Variants in CRYZL1 observed in about 807,000 individuals in gnomAD.
CRYZL1 encodes the protein crystallin zeta like 1, also known as ferry endosomal RAB5 effector complex subunit 4.
A neutral mutation model predicts 50.6 loss-of-function variants in CRYZL1; 34 were observed. The ratio of observed to expected loss-of-function variants is 0.67; its 90% confidence interval spans 0.51 to 0.89. CRYZL1 has a LOEUF of 0.89. Ranked by LOEUF, CRYZL1 falls within the 40% of genes least tolerant of loss-of-function variation. The pLI is 0.00. For synonymous variants in CRYZL1, 125 were observed against 134.3 expected (o/e 0.93, Z 0.48); for missense variants, 354 against 402.3 (o/e 0.88, Z 1.03).
chr21:33,605,743 C>T (rs148861556), intron 6 of CRYZL1, among the ~76,000 whole-genome samples: 3,680 of 151,598 alleles, frequency 0.024, 165 homozygotes, highest in African/African-American at 0.083. Context: ...AGGCTGGTCT[C>T]GAACTCCTGA....
At chr21:33,614,171 CAAAAA>C (rs1174565593) in intron 5 of CRYZL1, among the ~76,000 whole-genome samples, 3 of 98,202 alleles carry the variant, frequency 3.1e-5, no homozygotes, top group Non-Finnish European at 6.2e-5. Flanking sequence ...GACTCTGTGT[CAAAAA>C]AAAAAAAAAA....
chr21:33,591,529 T>C (rs931421872), intron 11 of CRYZL1: 4 of 376,354 alleles, frequency 1.1e-5, no homozygotes, highest in Non-Finnish European at 1.4e-5. Flanking sequence ...TTTTCATTTC[T>C]ACACTACATA....
chr21:33,629,069 A>G (rs2087105953), intron 2 of CRYZL1, among the ~76,000 whole-genome samples: 1 of 148,208 alleles, frequency 6.7e-6, no homozygotes, highest in Non-Finnish European at 1.5e-5. Context: ...CCTCTACCAA[A>G]AAAAAAAAAA....
chr21:33,625,149 C>A (rs972219561), intron 2 of CRYZL1, among the ~76,000 whole-genome samples: 1 of 151,886 alleles, frequency 6.6e-6, no homozygotes, highest in Admixed American at 6.6e-5. Flanking sequence ...TAACGTATAA[C>A]CTTTACTGAT....
intron 11 of CRYZL1, chr21:33,595,421 G>A (rs1397675791): frequency 2.2e-6 from 3 of 1,347,376 alleles, no homozygotes; most frequent in Admixed American, 4.5e-5. Context: ...GTATCTTAGG[G>A]CTCATCTCTG....
intron 12 of CRYZL1, 52 bp from the exon 13 acceptor site, chr21:33,589,973 C>A (rs761179022): frequency 1.9e-6 from 2 of 1,055,978 alleles, no homozygotes; most frequent in East Asian, 2.4e-5. Context: ...ATAAGTAGAA[C>A]AAACAGGGTG....
chr21:33,641,271 C>A (rs1254170265), intron 1 of CRYZL1: 1 of 1,550,180 alleles, frequency 6.5e-7, no homozygotes, highest in Non-Finnish European at 8.7e-7. Context: ...AACTGCTTTC[C>A]GAAAACAGCA....
chr21:33,616,818 T>A, intron 4 of CRYZL1, 68 bp from the exon 5 acceptor site: 1 of 1,319,700 alleles, frequency 7.6e-7, no homozygotes, highest in Non-Finnish European at 1.0e-6. Flanking sequence ...TCTATTAAAA[T>A]ACATTTTTAA....
rs376870432 is a variant in CRYZL1 at position 33,589,620 on chromosome 21, T to C, written c.*202A>G. 4.5e-5 allele frequency: 24 copies of C among 530,850 alleles called. No homozygotes were observed. The highest frequency in any genetic ancestry group is 3.2e-4 in the South Asian group (11 of 34,496). The allele number at this position is 530,850 out of a possible 1,614,324, so 32.9% of individuals were successfully genotyped here. ...AAAAATTCCCTTAAGATGTTAATTA[T>C]AGAATTATCTTGATCATTTGCACAA... On this transcript the variant is annotated 3_prime_UTR_variant, in exon 13 of 13. Coordinates refer to ENST00000381554, the MANE Select transcript of CRYZL1 (RefSeq NM_145858.3).
At chr21:33,610,248 C>A (rs556158531) in intron 6 of CRYZL1, among the ~76,000 whole-genome samples, 1 of 152,222 alleles carries the variant, frequency 6.6e-6, no homozygotes, top group South Asian at 2.1e-4. Flanking sequence ...TCACCTCTGT[C>A]TCCTGGGTTC....
chr21:33,600,671 T>G (rs2086741569), intron 8 of CRYZL1, among the ~76,000 whole-genome samples: 2 of 150,884 alleles, frequency 1.3e-5, no homozygotes, highest in South Asian at 2.1e-4. Context: ...TGTCACCCAG[T>G]CTGGAGTGCA....
In CRYZL1 at chr21:33,595,742, C is replaced by T. The variant is rs746596263; in HGVS notation, c.893G>A (p.Gly298Glu). Reference sequence around the variant, plus strand: ...GATAAAAAGGATATAAAGATATTTTCCCTGTTGTACATTTGACAAATTCCA... The same window carrying T: ...GATAAAAAGGATATAAAGATATTTTTCCTGTTGTACATTTGACAAATTCCA... ...EVWNLSNVQQ[G>E]KYLCILKDVM... Residue 298 changes from glycine to glutamate, a missense_variant, in exon 11 of 13, where the codon GGA (glycine) becomes GAA (glutamate). By Grantham distance (98) the Gly-to-Glu change is moderately conservative. Coordinates refer to ENST00000381554, the MANE Select transcript of CRYZL1 (RefSeq NM_145858.3). 2 of 1,613,588 alleles carry T rather than the reference C, an allele frequency of 1.2e-6. No individual in the cohort carries two copies. Among genetic ancestry groups the T allele is most frequent in the Admixed American group, 1.7e-5 (1 of 60,022 alleles).
intron 5 of CRYZL1, 120 bp downstream of exon 5, chr21:33,616,586 C>G (rs2086935436): frequency 6.4e-7 from 1 of 1,554,108 alleles, no homozygotes; most frequent in Admixed American, 1.8e-5. Context: ...GCCACAGCAC[C>G]CAGCCGGGAA....
At position 33,599,268 on chromosome 21, in the gene CRYZL1, A is replaced by G; in HGVS notation, c.578-20T>C. The G allele has an allele frequency of 6.2e-7, 1 of 1,613,872 alleles. No homozygotes were observed. The highest frequency in any genetic ancestry group is 8.5e-7 in the Non-Finnish European group (1 of 1,179,798). On this transcript the variant is annotated intron_variant, in intron 8 of 12. Transcript: ENST00000381554. ...CTCGGGCTGTAAAGGACAGGAAATC[A>G]GGCAATTGTACTGTTCTCTATGTGA...
intron 11 of CRYZL1, among the ~76,000 whole-genome samples, chr21:33,594,137 T>C (rs2086670729): frequency 6.6e-6 from 1 of 151,916 alleles, no homozygotes; most frequent in Non-Finnish European, 1.5e-5. Context: ...AATTACAATG[T>C]TATTGGATTG....
chr21:33,600,933 G>GTTTTTTTTTTTTTTTTTTTTTT lies in CRYZL1; in HGVS notation c.577+1300_577+1301insAAAAAAAAAAAAAAAAAAAAAA, dbSNP rs764185960. 3.4e-5 allele frequency among the ~76,000 whole-genome samples: 2 copies of GTTTTTTTTTTTTTTTTTTTTTT among 59,520 alleles called. 1 individual carries two copies. The highest frequency in any genetic ancestry group is 1.3e-4 in the African/African-American group (2 of 15,830). The allele number at this position is 59,520 out of a possible 152,430, so 39.0% of individuals were successfully genotyped here. A position where few individuals can be genotyped will look rare whatever the true frequency, so the allele number is the denominator to read the frequency against. ...TGAGCCACTGTGCCCGGTCCATAAAGTTTTTTTTTTTTTTTTTTTTGGGGG... is the reference window on the plus strand; with the variant it reads ...TGAGCCACTGTGCCCGGTCCATAAAGTTTTTTTTTTTTTTTTTTTTTTTTTTTTTTTTTTTTTTTTTTGGGGG... On this transcript the variant is annotated intron_variant, in intron 8 of 12. Coordinates refer to ENST00000381554, the MANE Select transcript of CRYZL1 (RefSeq NM_145858.3).
chr21:33,616,640 A>T, intron 5 of CRYZL1, 66 bp downstream of exon 5: 1 of 1,602,676 alleles, frequency 6.2e-7, no homozygotes, highest in South Asian at 1.1e-5. Flanking sequence ...ATTAATAGTT[A>T]TATAGAAAAA....
intron 6 of CRYZL1, 76 bp downstream of exon 6, chr21:33,613,462 A>C: frequency 9.8e-7 from 1 of 1,018,058 alleles, no homozygotes; most frequent in African/African-American, 1.6e-5. Flanking sequence ...AGATTCAAAA[A>C]AATTAAAATG....
chr21:33,631,805 T>C (rs2087140741), intron 1 of CRYZL1, among the ~76,000 whole-genome samples: 1 of 152,248 alleles, frequency 6.6e-6, no homozygotes, highest in Non-Finnish European at 1.5e-5. Flanking sequence ...ATGCTTCATT[T>C]TACTTTCCTA....
Sources: allele counts gnomAD v4.1 joint callset (sites outside exome capture counted in the v4.1 genomes callset), GRCh38; gene constraint gnomAD v4.1.1; transcripts MANE v1.5; gene names NCBI Gene and HGNC (gene_info 2026-07-23, HGNC 2026-07-21).